Variants in RIPOR2 observed in about 807,000 individuals in gnomAD.
RIPOR2 encodes the protein RHO family interacting cell polarization regulator 2.
A neutral mutation model predicts 114.5 loss-of-function variants in RIPOR2; 39 were observed. The observed-to-expected ratio is 0.34, with a 90% CI of 0.26 to 0.44. The LOEUF (loss-of-function observed/expected upper bound fraction) is 0.44, where lower values mean the gene tolerates loss of function less well. RIPOR2 is among the 20% of genes least tolerant of loss of function. RIPOR2 has a pLI of 1.00. For missense variants in RIPOR2, 1,007 were observed against 1,255.1 expected, an observed-to-expected ratio of 0.80 and a Z score of 2.99; for synonymous variants, 445 against 484.4, an observed-to-expected ratio of 0.92 and a Z score of 1.07.
intron 1 of RIPOR2, among the ~76,000 whole-genome samples, chr6:24,914,680 G>A (rs1457897322): frequency 6.6e-6 from 1 of 152,194 alleles, no homozygotes; most frequent in Non-Finnish European, 1.5e-5. Flanking sequence ...AAGCCAGTGT[G>A]TGGTTGAAGA....
At chr6:24,847,823 T>C (rs978924092) in intron 12 of RIPOR2, 41 of 1,159,324 alleles carry the variant, frequency 3.5e-5, no homozygotes, top group Middle Eastern at 2.2e-4. Flanking sequence ...AAAAGGCTGA[T>C]CTTAGAGAAT....
chr6:24,963,075 T>G (rs989265959), intron 1 of RIPOR2, among the ~76,000 whole-genome samples: 1 of 152,144 alleles, frequency 6.6e-6, no homozygotes, highest in African/African-American at 2.4e-5. Context: ...TTCGCTATTG[T>G]CTCCCAGGCT....
chr6:24,977,714 G>A (rs77049251), intron 1 of RIPOR2, among the ~76,000 whole-genome samples: 8,668 of 152,170 alleles, frequency 0.057, 823 homozygotes, highest in African/African-American at 0.19. Flanking sequence ...CTGCCCTGAT[G>A]TTTTGTTGGT....
chr6:25,017,566 C>T (rs543563309), intron 1 of RIPOR2, among the ~76,000 whole-genome samples: 12 of 152,192 alleles, frequency 7.9e-5, no homozygotes, highest in Non-Finnish European at 1.5e-4. Context: ...AAAGTCCTTC[C>T]GGCCCTCTGG....
intron 1 of RIPOR2, among the ~76,000 whole-genome samples, chr6:24,954,754 C>T (rs1166182104): frequency 6.6e-6 from 1 of 151,908 alleles, no homozygotes; most frequent in Non-Finnish European, 1.5e-5. Context: ...AGCCTTAGGC[C>T]CCGTCTTTAA....
At chr6:24,828,004 T>C in intron 18 of RIPOR2, 133 bp downstream of exon 18, 2 of 726,526 alleles carry the variant, frequency 2.8e-6, no homozygotes, top group Non-Finnish European at 4.1e-6. Flanking sequence ...AAAAGTCACT[T>C]AAAAGGCAAA....
At chr6:24,881,683 A>G (rs1766371167) in intron 1 of RIPOR2, among the ~76,000 whole-genome samples, 1 of 152,102 alleles carries the variant, frequency 6.6e-6, no homozygotes, top group Admixed American at 6.5e-5. Context: ...TAATAAGTAT[A>G]AGATTTTACA....
At chr6:24,807,052 C>A (rs1248978513) in intron 21 of RIPOR2, among the ~76,000 whole-genome samples, 1 of 152,152 alleles carries the variant, frequency 6.6e-6, no homozygotes, top group East Asian at 1.9e-4. Context: ...ATGTTTTGTT[C>A]TATTTTTCTA....
At chr6:25,018,163 G>A (rs911577502) in intron 1 of RIPOR2, among the ~76,000 whole-genome samples, 2 of 152,144 alleles carry the variant, frequency 1.3e-5, no homozygotes, top group South Asian at 2.1e-4. Context: ...GCTGTAGAGC[G>A]GCGCCACCTG....
chr6:25,026,988 C>G (rs897640597), intron 1 of RIPOR2, among the ~76,000 whole-genome samples: 2 of 152,204 alleles, frequency 1.3e-5, no homozygotes, highest in African/African-American at 2.4e-5. Flanking sequence ...ACAAGCCTCA[C>G]AAGTCCTGAC....
At chr6:24,870,980 T>A in intron 4 of RIPOR2, 91 bp from the exon 5 acceptor site, 1 of 722,782 alleles carries the variant, frequency 1.4e-6, no homozygotes, top group East Asian at 3.1e-5. Context: ...ATTTGCACAT[T>A]ATCTGTGGAA....
At chr6:24,824,619 G>A (rs1036230332) in intron 19 of RIPOR2, among the ~76,000 whole-genome samples, 5 of 152,210 alleles carry the variant, frequency 3.3e-5, no homozygotes, top group African/African-American at 4.8e-5. Context: ...AGCTGAGGGA[G>A]AGATAAATTA....
chr6:25,021,966 G>A (rs1413771377), intron 1 of RIPOR2, among the ~76,000 whole-genome samples: 2 of 152,024 alleles, frequency 1.3e-5, no homozygotes, highest in African/African-American at 4.8e-5. Context: ...CAAGTAATTG[G>A]TTTATAAGAG....
intron 8 of RIPOR2, 84 bp from the exon 9 acceptor site, chr6:24,852,702 A>G (rs1449329149): frequency 1.9e-6 from 2 of 1,063,174 alleles, no homozygotes; most frequent in African/African-American, 1.7e-5. Context: ...AAAGAATTCA[A>G]GTGAAGTGTC....
At chr6:24,973,268 C>T (rs1466440698) in intron 1 of RIPOR2, among the ~76,000 whole-genome samples, 1 of 152,068 alleles carries the variant, frequency 6.6e-6, no homozygotes, top group African/African-American at 2.4e-5. Context: ...GAACAACATT[C>T]GACCCAGCAA....
At chr6:24,903,321 G>T (rs1004280135) in intron 1 of RIPOR2, among the ~76,000 whole-genome samples, 4 of 152,126 alleles carry the variant, frequency 2.6e-5, no homozygotes, top group Admixed American at 6.5e-5. Flanking sequence ...ATTCTCTATT[G>T]ATTGAGAAAG....
At chr6:25,003,590 T>G (rs1284243625) in intron 1 of RIPOR2, among the ~76,000 whole-genome samples, 1 of 151,850 alleles carries the variant, frequency 6.6e-6, no homozygotes, top group East Asian at 1.9e-4. Context: ...CCACCACACC[T>G]GGGTAATTTT....
At chr6:24,984,611 T>G (rs538775253) in intron 1 of RIPOR2, among the ~76,000 whole-genome samples, 1 of 148,276 alleles carries the variant, frequency 6.7e-6, no homozygotes, top group African/African-American at 2.5e-5. Flanking sequence ...AGCCCGGGAG[T>G]TGGAGACCAG....
intron 1 of RIPOR2, among the ~76,000 whole-genome samples, chr6:25,039,018 C>T (rs1777365208): frequency 6.6e-6 from 1 of 152,224 alleles, no homozygotes; most frequent in South Asian, 2.1e-4. Flanking sequence ...CTCCTATCGC[C>T]ATTCAAGGTC....
Sources: allele counts gnomAD v4.1 joint callset (sites outside exome capture counted in the v4.1 genomes callset), GRCh38; gene constraint gnomAD v4.1.1; transcripts MANE v1.5; gene names NCBI Gene and HGNC (gene_info 2026-07-23, HGNC 2026-07-21).